ADGRE1: variants seen among roughly 807,000 people sequenced by gnomAD.
ADGRE1 encodes the protein EGF-like module receptor 1.
In ADGRE1, 82 loss-of-function variants were observed where a neutral mutation model predicts 102.7. The ratio of observed to expected loss-of-function variants is 0.80; its 90% CI spans 0.67 to 0.96. The LOEUF (loss-of-function observed/expected upper bound fraction) is 0.96, where lower values mean the gene tolerates loss of function less well. ADGRE1 is among the 40% of genes least tolerant of loss of function. The probability of loss-of-function intolerance (pLI) is 0.00; values close to 1 mark genes in which losing one functional copy is unlikely to be tolerated. For synonymous variants in ADGRE1, 398 were observed against 399.6 expected (o/e 1.00, Z 0.05); for missense variants, 1,032 against 1,085.3 (o/e 0.95, Z 0.69).
intron 13 of ADGRE1, among the ~76,000 whole-genome samples, chr19:6,920,016 G>C (rs1974576116): frequency 6.6e-6 from 1 of 152,168 alleles, no homozygotes; most frequent in Non-Finnish European, 1.5e-5. Flanking sequence ...TTTATTGCAA[G>C]GCTGCCAAGC....
intron 5 of ADGRE1, chr19:6,898,311 T>C (rs1599717095): frequency 1.3e-6 from 2 of 1,597,764 alleles, no homozygotes; most frequent in East Asian, 4.5e-5. Flanking sequence ...GTCTAGATAT[T>C]GATGAATGTT....
At chr19:6,924,002 G>A (rs553634206) in intron 14 of ADGRE1, among the ~76,000 whole-genome samples, 18 of 151,446 alleles carry the variant, frequency 1.2e-4, no homozygotes, top group Admixed American at 6.6e-4. Context: ...AGCTTGTCAC[G>A]TTCCACTCCT....
At chr19:6,915,649 C>A (rs947241696) in intron 11 of ADGRE1, among the ~76,000 whole-genome samples, 5 of 152,162 alleles carry the variant, frequency 3.3e-5, no homozygotes, top group African/African-American at 7.2e-5. Context: ...AGGCCGGGGG[C>A]AGTGGCTCAC....
At chr19:6,911,182 C>A (rs1347961039) in intron 10 of ADGRE1, among the ~76,000 whole-genome samples, 1 of 152,036 alleles carries the variant, frequency 6.6e-6, no homozygotes, top group African/African-American at 2.4e-5. Context: ...CTCAGGGCTT[C>A]CTGTTTCTCT....
intron 11 of ADGRE1, among the ~76,000 whole-genome samples, chr19:6,915,219 G>A (rs677767): frequency 0.72 from 109,332 of 151,840 alleles, 39,861 homozygotes; most frequent in East Asian, 0.77. Context: ...TGTTGCCCAC[G>A]CTGGTCTTGA....
chr19:6,896,600 G>T (rs2144891875), intron 3 of ADGRE1, 59 bp downstream of exon 3: 1 of 1,580,296 alleles, frequency 6.3e-7, no homozygotes, highest in South Asian at 1.1e-5. Flanking sequence ...GTCAAAGCTG[G>T]CTGGGTATTG....
intron 13 of ADGRE1, among the ~76,000 whole-genome samples, chr19:6,921,033 C>G (rs1974645013): frequency 2.0e-5 from 3 of 152,114 alleles, no homozygotes; most frequent in African/African-American, 7.2e-5. Flanking sequence ...TGCCTGTAAT[C>G]CCAGCACTTT....
At chr19:6,938,497 G>A (rs1237652979) in intron 20 of ADGRE1, among the ~76,000 whole-genome samples, 1 of 151,966 alleles carries the variant, frequency 6.6e-6, no homozygotes, top group Non-Finnish European at 1.5e-5. Flanking sequence ...CCACTAGAAT[G>A]TCTTATTTTT....
intron 15 of ADGRE1, 132 bp from the exon 16 acceptor site, chr19:6,926,234 T>C: frequency 2.1e-6 from 2 of 954,296 alleles, no homozygotes; most frequent in Non-Finnish European, 3.1e-6. Context: ...TGCACCTCTC[T>C]ATAAATGTTT....
At chr19:6,937,068 T>C (rs1256525107) in intron 18 of ADGRE1, among the ~76,000 whole-genome samples, 175 bp from the exon 19 acceptor site, 1 of 152,178 alleles carries the variant, frequency 6.6e-6, no homozygotes, top group African/African-American at 2.4e-5. Context: ...TGATTGCATT[T>C]AAATGTCTAT....
Position 6,906,414 on chromosome 19 carries a change from G to A in ADGRE1, c.950-19G>A. Reference sequence around the variant, plus strand: ...GCTGAGGTTGAAGTTTGGTTTGGTTGCTGTTGTTTTCTTCCTAGGGGTTCT... The same window carrying A: ...GCTGAGGTTGAAGTTTGGTTTGGTTACTGTTGTTTTCTTCCTAGGGGTTCT... On this transcript the variant is annotated intron_variant, in intron 8 of 20. Transcript: ENST00000312053. The A allele has an allele frequency of 1.3e-6, 2 of 1,596,590 alleles. No homozygotes were observed. The highest frequency in any genetic ancestry group is 1.7e-6 in the Non-Finnish European group (2 of 1,169,310).
In ADGRE1 at chr19:6,921,737, A is replaced by T; in HGVS notation, c.1645A>T (p.Ile549Phe). 1 of 1,609,506 alleles carries T rather than the reference A, an allele frequency of 6.2e-7. No individual in the cohort carries two copies. Among genetic ancestry groups the T allele is most frequent in the Non-Finnish European group, 8.5e-7 (1 of 1,178,440 alleles). ...GCCAAAGCAGAAGTTTGAGAGGCCC[A>T]TCTGTGTTTCCTGGAGCACTGATGT... ...IQPKQKFERP[I>F]CVSWSTDVKG... The change falls in exon 14 of 21, where the codon ATC (isoleucine) becomes TTC (phenylalanine). Residue 549 changes from isoleucine (I) to phenylalanine (F), a missense_variant. By Grantham distance (21) the Ile-to-Phe change is conservative. Coordinates refer to ENST00000312053, the MANE Select transcript of ADGRE1 (RefSeq NM_001974.5).
At chr19:6,906,070 A>G (rs753614316) in intron 8 of ADGRE1, among the ~76,000 whole-genome samples, 1 of 152,152 alleles carries the variant, frequency 6.6e-6, no homozygotes, top group African/African-American at 2.4e-5. Context: ...TTTTATATGT[A>G]TGACTTCTCT....
intron 10 of ADGRE1, among the ~76,000 whole-genome samples, chr19:6,911,385 G>GTTTTTGTTTTTTT (rs1974169988): frequency 2.5e-5 from 2 of 79,844 alleles, no homozygotes; most frequent in Non-Finnish European, 4.7e-5. Flanking sequence ...ATTCCTTTTA[G>GTTTTTGTTTTTTT]TTTTTTTTTT....
At chr19:6,899,038 T>C (rs921829079) in intron 5 of ADGRE1, among the ~76,000 whole-genome samples, 29 of 152,204 alleles carry the variant, frequency 1.9e-4, no homozygotes, top group African/African-American at 6.3e-4. Flanking sequence ...GCTACTTGCT[T>C]TGTGATCTCA....
chr19:6,919,278 G>A (rs896849792), intron 12 of ADGRE1, among the ~76,000 whole-genome samples: 3 of 151,202 alleles, frequency 2.0e-5, no homozygotes, highest in African/African-American at 4.9e-5. Context: ...TGATCCACCC[G>A]CCTTGGTCTC....
intron 2 of ADGRE1, among the ~76,000 whole-genome samples, chr19:6,893,743 C>T (rs560861901): frequency 1.2e-4 from 18 of 152,154 alleles, no homozygotes; most frequent in Non-Finnish European, 2.4e-4. Flanking sequence ...TGCCCATTTC[C>T]TGTGGCTGCT....
intron 8 of ADGRE1, among the ~76,000 whole-genome samples, chr19:6,905,151 T>A (rs550543789): frequency 2.0e-4 from 31 of 152,100 alleles, no homozygotes; most frequent in Non-Finnish European, 4.3e-4. Flanking sequence ...AAGACCAGCC[T>A]GGGCAACATT....
chr19:6,897,152 T>C lies in ADGRE1; in HGVS notation c.242T>C (p.Ile81Thr), dbSNP rs1973585387. The change falls in exon 4 of 21, where the codon ATT becomes ACT. Residue 81 changes from isoleucine to threonine, a missense_variant. Coordinates refer to ENST00000312053, the MANE Select transcript of ADGRE1 (RefSeq NM_001974.5). ...GTAACTCCAATTCTCTGTCTAGATA[T>C]TGATGAATGTTCTCAAAGCCCCCAG... ...FKDPGVRCKDIDECSQSPQPC... is the reference protein window; with the variant it reads ...FKDPGVRCKDTDECSQSPQPC... 6.2e-7 allele frequency: 1 copy of C among 1,609,964 alleles called. No homozygotes were observed. Among genetic ancestry groups the C allele is most frequent in the African/African-American group, 1.4e-5 (1 of 73,556 alleles).
Sources: allele counts gnomAD v4.1 joint callset (sites outside exome capture counted in the v4.1 genomes callset), GRCh38; gene constraint gnomAD v4.1.1; transcripts MANE v1.5; gene names NCBI Gene and HGNC (gene_info 2026-07-23, HGNC 2026-07-21).